PCM1: variants seen among roughly 807,000 people sequenced by gnomAD.
PCM1 encodes the protein pericentriolar material 1 protein.
PCM1 carries 157 observed loss-of-function variants against 241.9 expected under a neutral mutation model. That is an observed-to-expected ratio of 0.65 (90% CI 0.57 to 0.74). PCM1 has a LOEUF of 0.74. PCM1 is among the 30% of genes least tolerant of loss of function. The probability of loss-of-function intolerance (pLI) is 0.00; values close to 1 mark genes in which losing one functional copy is unlikely to be tolerated. For synonymous variants in PCM1, 1,085 were observed against 784.9 expected (o/e 1.38, Z -6.39); for missense variants, 3,478 against 2,360.1 (o/e 1.47, Z -9.81).
intron 6 of PCM1, among the ~76,000 whole-genome samples, chr8:17,943,469 G>T (rs1356965469): frequency 1.3e-5 from 2 of 152,092 alleles, no homozygotes; most frequent in Non-Finnish European, 2.9e-5. Context: ...TAATCCTTCT[G>T]AATAGTGACA....
rs2129466768 is a variant in PCM1 at position 17,960,375 on chromosome 8, A to G, written c.2253A>G (p.Glu751=). 1 of 1,608,394 alleles carries G rather than the reference A, an allele frequency of 6.2e-7. No individual in the cohort carries two copies. The highest frequency in any genetic ancestry group is 1.7e-5 in the Admixed American group (1 of 58,804). ...QQQRELKQLQ[E]ERKKLIDIQE... Reference sequence around the variant, plus strand: ...AGAGAGAGCTAAAACAATTGCAGGAAGAAAGAAAGAAACTGATTGACATTC... The same window carrying G: ...AGAGAGAGCTAAAACAATTGCAGGAGGAAAGAAAGAAACTGATTGACATTC... The change falls in exon 15 of 39, where the codon GAA becomes GAG. Residue 751 remains glutamate, a synonymous_variant. Transcript: ENST00000325083.
At position 18,014,685 on chromosome 8, in the gene PCM1, G is replaced by A; in HGVS notation, c.5686G>A (p.Asp1896Asn). Residue 1896 changes from aspartate (D) to asparagine (N), a missense_variant, in exon 36 of 39, where the codon GAT becomes AAT. By Grantham distance (23) the Asp-to-Asn change is conservative (BLOSUM62 1). Coordinates refer to ENST00000325083, the MANE Select transcript of PCM1 (RefSeq NM_006197.4). ...CCATAAGGAGTCACCTCCTACTGTT[G>A]ATTCAACTCAACAGCCTAACCCTTT... Reference protein sequence around the residue: ...AAHKESPPTVDSTQQPNPLPL... With the variant: ...AAHKESPPTVNSTQQPNPLPL... 1 of 1,613,734 alleles carries A rather than the reference G, an allele frequency of 6.2e-7. No individual in the cohort carries two copies. Among genetic ancestry groups the A allele is most frequent in the Non-Finnish European group, 8.5e-7 (1 of 1,179,846 alleles).
At chr8:17,988,172 G>A (rs2083253066) in intron 26 of PCM1, among the ~76,000 whole-genome samples, 1 of 151,230 alleles carries the variant, frequency 6.6e-6, no homozygotes, top group African/African-American at 2.4e-5. Context: ...CTGTCTTGAA[G>A]ACTTGAAGCA....
rs772569420 is a variant in PCM1, at chr8:18,014,006, G to T, written c.5554G>T (p.Val1852Phe). The T allele has an allele frequency of 6.2e-7, 1 of 1,602,566 alleles. No individual in the cohort carries two copies. Among genetic ancestry groups the T allele is most frequent in the Admixed American group, 1.7e-5 (1 of 58,342 alleles). The stretch of plus-strand genomic sequence containing the variant: ...TAAAAAGACAGCAGAAAGCAAAAAT[G>T]TCCCATTGGAACGAGAAGCCACTAG... ...DFKKTAESKN[V>F]PLEREATSKN... is the part of the protein sequence containing the mutation. The change falls in exon 35 of 39, where the codon GTC (valine) becomes TTC (phenylalanine). Residue 1852 changes from valine (V) to phenylalanine (F), a missense_variant. By Grantham distance (50) the Val-to-Phe change is conservative. Coordinates refer to ENST00000325083, the MANE Select transcript of PCM1 (RefSeq NM_006197.4).
chr8:18,005,336 G>A (rs767380432), intron 29 of PCM1, among the ~76,000 whole-genome samples: 2 of 148,744 alleles, frequency 1.3e-5, no homozygotes, highest in African/African-American at 4.9e-5. Context: ...TGAAGACAGG[G>A]ACAGTTGTGT....
At chr8:18,002,906 A>G (rs1392834114) in intron 29 of PCM1, among the ~76,000 whole-genome samples, 1 of 120,990 alleles carries the variant, frequency 8.3e-6, no homozygotes, top group Non-Finnish European at 1.5e-5. Context: ...TCCTTCGCCC[A>G]CTTTTTGACC....
intron 36 of PCM1, among the ~76,000 whole-genome samples, chr8:18,015,289 G>A (rs1393879307): frequency 6.6e-6 from 1 of 150,690 alleles, no homozygotes. Context: ...ACTCATGATA[G>A]TACTTACTAA....
At chr8:17,935,483 T>TA in intron 2 of PCM1, 106 bp from the exon 3 acceptor site, 1 of 597,880 alleles carries the variant, frequency 1.7e-6, no homozygotes, top group Middle Eastern at 2.7e-4. Context: ...TTTTAGTTCA[T>TA]AAAAATCAGT....
rs201223561 is a variant in PCM1 at position 17,962,160 on chromosome 8, A to G, written c.2449A>G (p.Ile817Val). Residue 817 changes from isoleucine to valine, a missense_variant, in exon 16 of 39, where the codon ATA (isoleucine) becomes GTA (valine). By Grantham distance (29) the Ile-to-Val change is conservative. Coordinates refer to ENST00000325083, the MANE Select transcript of PCM1 (RefSeq NM_006197.4). Reference protein sequence around the residue: ...KSVFEPEDSSIVDNELWSEMR... With the variant: ...KSVFEPEDSSVVDNELWSEMR... Reference sequence around the variant, plus strand: ...TGTTTTTGAGCCTGAAGATTCTTCAATAGTAGATAATGAGGTATTGTAAAT... The same window carrying G: ...TGTTTTTGAGCCTGAAGATTCTTCAGTAGTAGATAATGAGGTATTGTAAAT... 1.2e-4 allele frequency: 191 copies of G among 1,604,726 alleles called. No individual in the cohort carries two copies. In the African/African-American group the frequency reaches 1.5e-3, roughly 12 times the overall value.
intron 13 of PCM1, 123 bp downstream of exon 13, chr8:17,957,898 T>C (rs1030533615): frequency 4.5e-6 from 3 of 667,028 alleles, no homozygotes; most frequent in Non-Finnish European, 7.5e-6. Flanking sequence ...ATATGTGAGG[T>C]TTAAATTTTT....
chr8:18,009,792 A>T, intron 31 of PCM1, 48 bp downstream of exon 31: 1 of 1,146,360 alleles, frequency 8.7e-7, no homozygotes, highest in Non-Finnish European at 1.2e-6. Context: ...ACATAAATAC[A>T]GTTCTTGATC....
rs1469066385 is a variant in PCM1 at position 17,962,144 on chromosome 8, G to T, written c.2433G>T (p.Glu811Asp). 1.9e-6 allele frequency: 3 copies of T among 1,608,456 alleles called. No individual in the cohort carries two copies. The highest frequency in any genetic ancestry group is 1.3e-5 in the African/African-American group (1 of 74,834). ...CCAGTACAAGCAAATCTGTTTTTGA[G>T]CCTGAAGATTCTTCAATAGTAGATA... The part of the protein sequence containing the change: ...HETSTSKSVF[E>D]PEDSSIVDNE... Residue 811 changes from glutamate (E) to aspartate (D), a missense_variant, in exon 16 of 39, where the codon GAG becomes GAT. Physicochemically the swap from Glu to Asp is conservative, Grantham distance 45 (BLOSUM62 2). Transcript: ENST00000325083.
At chr8:17,932,308 A>G (rs937570833) in intron 2 of PCM1, among the ~76,000 whole-genome samples, 1 of 152,164 alleles carries the variant, frequency 6.6e-6, no homozygotes, top group African/African-American at 2.4e-5. Context: ...GAGAGGTAGA[A>G]TTACTGCGTC....
chr8:17,941,799 T>C (rs539980608), intron 6 of PCM1, among the ~76,000 whole-genome samples: 2 of 152,272 alleles, frequency 1.3e-5, no homozygotes, highest in African/African-American at 2.4e-5. Flanking sequence ...TGAGGCCTAA[T>C]AGGAAATATA....
chr8:18,027,599 ATAAG>A (rs1564490732), intron 38 of PCM1, 34 bp from the exon 39 acceptor site: 1 of 1,465,110 alleles, frequency 6.8e-7, no homozygotes, highest in Non-Finnish European at 9.4e-7. Context: ...TAGTAATTCG[ATAAG>A]TAATTTATAA....
At chr8:18,013,374 C>T (rs557838314) in intron 34 of PCM1, among the ~76,000 whole-genome samples, 15 of 152,304 alleles carry the variant, frequency 9.8e-5, no homozygotes, top group African/African-American at 3.6e-4. Flanking sequence ...TTTGTGTCTC[C>T]ACCTCTACTC....
rs763238714 is a variant in PCM1 at position 17,960,054 on chromosome 8, C to T, written c.2081C>T (p.Ser694Leu). 1.2e-6 allele frequency: 2 copies of T among 1,612,296 alleles called. No homozygotes were observed. The highest frequency in any genetic ancestry group is 1.1e-5 in the South Asian group (1 of 90,708). The change falls in exon 14 of 39, where the codon TCA (serine) becomes TTA (leucine). Residue 694 changes from serine to leucine, a missense_variant. Physicochemically the swap from Ser to Leu is moderately radical, Grantham distance 145. Transcript: ENST00000325083. ...CAAGGAGTTATCTCTGCCAGTGCAT[C>T]AAATTTGGATGATTTCTACCCAGCA... is the stretch of plus-strand genomic sequence containing the variant. ...AAQGVISASA[S>L]NLDDFYPAEE... is the part of the protein sequence containing the mutation.
At chr8:17,923,721 C>T (rs1443702733) in intron 1 of PCM1, among the ~76,000 whole-genome samples, 1 of 151,996 alleles carries the variant, frequency 6.6e-6, no homozygotes, top group African/African-American at 2.4e-5. Flanking sequence ...GCAGGATTTC[C>T]GCCGTCTCTG....
chr8:17,925,216 T>G (rs1414074264), intron 2 of PCM1: 2 of 152,236 alleles, frequency 1.3e-5, no homozygotes, highest in African/African-American at 2.4e-5. Flanking sequence ...CTAAAATTAC[T>G]TTATTATTAT....
Sources: allele counts gnomAD v4.1 joint callset (sites outside exome capture counted in the v4.1 genomes callset), GRCh38; gene constraint gnomAD v4.1.1; transcripts MANE v1.5; gene names NCBI Gene and HGNC (gene_info 2026-07-23, HGNC 2026-07-21).